Variants in PPP6R2 observed in about 807,000 individuals in gnomAD.
PPP6R2 encodes the protein serine/threonine-protein phosphatase 6 regulatory subunit 2.
Under a neutral mutation model 100.2 loss-of-function variants are expected in PPP6R2, and 62 were observed. The ratio of observed to expected loss-of-function variants is 0.62; its 90% CI spans 0.50 to 0.76. The LOEUF (loss-of-function observed/expected upper bound fraction) is 0.76. PPP6R2 is among the 30% of genes least tolerant of loss of function. PPP6R2 has a pLI of 0.00. For missense variants in PPP6R2, 1,142 were observed against 1,276.3 expected (o/e 0.89, Z 1.60); for synonymous variants, 525 against 514.7 (o/e 1.02, Z -0.27).
chr22:50,440,256 A>C (rs897347872), intron 21 of PPP6R2, among the ~76,000 whole-genome samples: 1 of 152,200 alleles, frequency 6.6e-6, no homozygotes. Flanking sequence ...CAGCAAGGCC[A>C]TTGGGCTGGC....
chr22:50,377,873 G>A (rs2051960713), intron 2 of PPP6R2, among the ~76,000 whole-genome samples: 1 of 152,096 alleles, frequency 6.6e-6, no homozygotes, highest in African/African-American at 2.4e-5. Context: ...TCAGCGTGGT[G>A]GCACGCACCT....
At chr22:50,401,027 C>T (rs937944357) in intron 3 of PPP6R2, among the ~76,000 whole-genome samples, 1 of 151,964 alleles carries the variant, frequency 6.6e-6, no homozygotes, top group Admixed American at 6.6e-5. Flanking sequence ...CTTTTAAGTT[C>T]TCATCCTTTT....
At chr22:50,437,378 C>G in intron 15 of PPP6R2, 128 bp from the exon 16 acceptor site, 1 of 702,460 alleles carries the variant, frequency 1.4e-6, no homozygotes, top group South Asian at 1.7e-5. Flanking sequence ...AGTTTACTGC[C>G]CACTTGTGCT....
At chr22:50,388,190 ACAGT>A (rs929774378) in intron 2 of PPP6R2, among the ~76,000 whole-genome samples, 5 of 151,740 alleles carry the variant, frequency 3.3e-5, no homozygotes, top group Admixed American at 1.3e-4. Context: ...AAAAAAAAAA[ACAGT>A]CAGCTTGGGT....
At chr22:50,437,484 T>TACCAA (rs2064597902) in intron 15 of PPP6R2, 22 bp from the exon 16 acceptor site, 6 of 542,106 alleles carry the variant, frequency 1.1e-5, no homozygotes, top group East Asian at 4.4e-5. Context: ...TGTCCGTCCC[T>TACCAA]CCCTCCCTCC....
At chr22:50,334,008 T>C in the PPP6R2 span, among the ~76,000 whole-genome samples, 15 of 152,272 alleles carry the variant, frequency 9.9e-5, no homozygotes. Context: ...ATTTCTTTTA[T>C]GTATTTCTTG....
At position 50,416,072 on chromosome 22, in the gene PPP6R2, G is replaced by A. The variant is rs141059010; in HGVS notation, c.553-20G>A. 1 of 1,605,572 alleles carries A rather than the reference G, an allele frequency of 6.2e-7. No homozygotes were observed. The highest frequency in any genetic ancestry group is 1.3e-5 in the African/African-American group (1 of 74,752). On this transcript the variant is annotated intron_variant, in intron 5 of 23. Coordinates refer to ENST00000612753, the MANE Select transcript of PPP6R2 (RefSeq NM_001242898.2). ...TTAGACTTGAGCAGCGACACTGAAA[G>A]GCCTCTTTTTCTCTTTCAGTGGCTG...
intron 22 of PPP6R2, 158 bp from the exon 23 acceptor site, chr22:50,443,708 C>T: frequency 9.3e-7 from 1 of 1,072,648 alleles, no homozygotes; most frequent in Non-Finnish European, 1.3e-6. Context: ...CCTAGCTGGG[C>T]ACAACCTGGG....
intron 1 of PPP6R2, among the ~76,000 whole-genome samples, chr22:50,360,035 C>CT (rs142772215): frequency 0.2 from 28,214 of 144,672 alleles, 2,952 homozygotes; most frequent in South Asian, 0.35. Flanking sequence ...AGGTTAACAG[C>CT]TTTTTTTTTC....
Position 50,431,303 on chromosome 22 carries a change from C to T in PPP6R2, c.1256C>T (p.Pro419Leu), listed in dbSNP as rs537450348. ...EASGSESRVE[P>L]PHENGNRSLE... ...AGCGGATCCGAGAGCAGGGTGGAGC[C>T]TCCGCATGAGAACGGGAACCGGAGC... The change falls in exon 11 of 24, where the codon CCT becomes CTT. Residue 419 changes from proline (P) to leucine (L), a missense_variant. Coordinates refer to ENST00000612753, the MANE Select transcript of PPP6R2 (RefSeq NM_001242898.2). This position sits in a 1 kb window ranked among gnomAD's most constrained non-coding sequence, Gnocchi z 4.8. 2.9e-5 allele frequency: 47 copies of T among 1,613,434 alleles called. No homozygotes were observed. The highest frequency in any genetic ancestry group is 6.7e-5 in the Admixed American group (4 of 60,024).
chr22:50,340,124 TGTGTG>T (rs1190489674), upstream of PPP6R2, among the ~76,000 whole-genome samples: 1 of 127,024 alleles, frequency 7.9e-6, no homozygotes, highest in Non-Finnish European at 1.7e-5. Flanking sequence ...GTGTGTACAG[TGTGTG>T]GTGTGTACAG....
At chr22:50,416,287 T>G in intron 6 of PPP6R2, 130 bp downstream of exon 6, 1 of 746,208 alleles carries the variant, frequency 1.3e-6, no homozygotes, top group East Asian at 2.6e-5. Flanking sequence ...GTTAGGTACT[T>G]TTCTTTCTTT....
At chr22:50,396,434 T>G (rs542013324) in intron 3 of PPP6R2, among the ~76,000 whole-genome samples, 77 of 147,698 alleles carry the variant, frequency 5.2e-4, no homozygotes, top group African/African-American at 1.8e-3. Context: ...GGTAGAGGTT[T>G]CAGTGAGCCA....
chr22:50,372,521 T>C (rs1189667005), intron 2 of PPP6R2, among the ~76,000 whole-genome samples: 2 of 151,660 alleles, frequency 1.3e-5, no homozygotes, highest in African/African-American at 4.8e-5. Context: ...TGTACTCCAG[T>C]CTGGGCGACA....
chr22:50,348,910 G>A (rs1282778171), intron 1 of PPP6R2, among the ~76,000 whole-genome samples: 1 of 152,072 alleles, frequency 6.6e-6, no homozygotes, highest in African/African-American at 2.4e-5. Flanking sequence ...CAAAAAGCAG[G>A]GCCGGGCGCA....
At chr22:50,357,503 CTT>C (rs1023901844) in intron 1 of PPP6R2, among the ~76,000 whole-genome samples, 9 of 151,162 alleles carry the variant, frequency 6.0e-5, no homozygotes, top group Admixed American at 1.3e-4. Flanking sequence ...CTCTCTCTCT[CTT>C]TCTTTTTTGA....
intron 2 of PPP6R2, among the ~76,000 whole-genome samples, chr22:50,386,372 C>G (rs1258071543): frequency 6.6e-6 from 1 of 152,096 alleles, no homozygotes; most frequent in Non-Finnish European, 1.5e-5. Context: ...AACTCCTGAC[C>G]TCAGGTGATC....
At chr22:50,397,736 GGA>G (rs58507518) in intron 3 of PPP6R2, among the ~76,000 whole-genome samples, 59 of 574 alleles carry the variant, frequency 0.1, 25 homozygotes, top group African/African-American at 0.13. Flanking sequence ...TTTTCTCTGA[GGA>G]GAGTGTGACT....
At chr22:50,357,334 G>C (rs952975244) in intron 1 of PPP6R2, among the ~76,000 whole-genome samples, 5 of 151,982 alleles carry the variant, frequency 3.3e-5, no homozygotes, top group African/African-American at 1.2e-4. Context: ...GAAGAGGAAG[G>C]GGGTGAATTT....
Sources: gnomAD v4.1 joint callset for allele counts (sites outside exome capture counted in the v4.1 genomes callset) on GRCh38, gnomAD v4.1.1 for gene constraint, Gnocchi (gnomAD v3.1) non-coding constraint, MANE v1.5 for transcripts, NCBI Gene and HGNC (gene_info 2026-07-23, HGNC 2026-07-21) for gene names.